The following ZNF185 variants were observed in gnomAD, a reference collection of about 807,000 sequenced individuals.
The protein encoded by ZNF185 is zinc finger protein 185 with LIM domain.
A neutral mutation model predicts 58.6 loss-of-function variants in ZNF185; 56 were observed. That is an observed-to-expected ratio of 0.95 (90% CI 0.77 to 1.19). The LOEUF is 1.19. Ranked by LOEUF, ZNF185 falls within the 50% of genes most tolerant of loss-of-function variation. The pLI, the probability that ZNF185 is intolerant of heterozygous loss-of-function variation, is 0.00. For missense variants in ZNF185, 627 were observed against 573.5 expected (o/e 1.09, Z -0.95); for synonymous variants, 230 against 215.9 (o/e 1.07, Z -0.57).
intron 16 of ZNF185, among the ~76,000 whole-genome samples, chrX:152,955,508 T>C (rs1041245754): frequency 6.2e-5 from 7 of 112,751 alleles, no homozygotes; most frequent in Non-Finnish European, 1.3e-4. Context: ...AGTTTGATTA[T>C]GTTACATTTA....
chrX:152,918,950 C>T, intron 6 of ZNF185, 33 bp from the exon 8 acceptor site: 2 of 1,122,753 alleles, frequency 1.8e-6, no homozygotes, highest in South Asian at 1.9e-5. Flanking sequence ...GGGTGGCAGC[C>T]TATGACAGGA....
At position 152,963,915 on chromosome X, in the gene ZNF185, G is replaced by GC. The variant is rs782818172; in HGVS notation, c.1689dup (p.Ala564ArgfsTer3). ...TGAGCAGCCTCACATTTATATTCCA[G>GC]CCCCCGCAAGTGAATTGGACTCCAG... On this transcript the variant is annotated frameshift_variant, in exon 18 of 23. Coordinates refer to ENST00000449285, the Ensembl canonical transcript of ZNF185. LOFTEE classifies it high-confidence loss of function. The GC allele has an allele frequency of 8.3e-7, 1 of 1,209,824 alleles. No individual in the cohort carries two copies. Among genetic ancestry groups the GC allele is most frequent in the African/African-American group, 1.7e-5 (1 of 57,218 alleles).
intron 15 of ZNF185, 143 bp from the exon 18 acceptor site, chrX:152,945,124 C>T (rs556006930): frequency 5.6e-5 from 35 of 621,247 alleles, no homozygotes; most frequent in South Asian, 3.7e-4. Context: ...GGAATTGGGG[C>T]TGTGCCTGGC....
intron 16 of ZNF185, among the ~76,000 whole-genome samples, chrX:152,954,497 G>T (rs1359201902): frequency 1.8e-5 from 2 of 112,100 alleles, no homozygotes; most frequent in East Asian, 5.6e-4. Flanking sequence ...AGAAACAAGG[G>T]GAAACAACTG....
rs182541160 is a variant in ZNF185, at chrX:152,915,889, G to C, written c.224+686G>C. On this transcript the variant is annotated intron_variant, in intron 3 of 22. Transcript: ENST00000449285. Reference sequence around the variant, plus strand: ...AAACAGCCGGCAGGCGGCTTCTCAGGGGGTGGTAGAGGCAGTGGCGGCCTC... The same window carrying C: ...AAACAGCCGGCAGGCGGCTTCTCAGCGGGTGGTAGAGGCAGTGGCGGCCTC... Among the ~76,000 whole-genome samples, 724 of 112,144 alleles carry C rather than the reference G, an allele frequency of 6.5e-3. 2 individuals are homozygous for C. Among genetic ancestry groups the C allele is most frequent in the Middle Eastern group, 0.037 (8 of 217 alleles).
chrX:152,936,603 C>T, intron 14 of ZNF185, 90 bp downstream of exon 16: 1 of 807,088 alleles, frequency 1.2e-6, no homozygotes, highest in East Asian at 3.5e-5. Context: ...CCAGGATCCC[C>T]CTCGAACTTC....
At position 152,936,532 on chromosome X, in the gene ZNF185, C is replaced by T. The variant is rs1556881950; in HGVS notation, c.1122-1542C>T. On this transcript the variant is annotated intron_variant, in intron 14 of 22. Transcript: ENST00000449285. ...CCATCAGGTAAGGTTAGGGCCACTG[C>T]CCTAGTGCCCTATCCCATTGCCAGA... 2 of 1,134,060 alleles carry T rather than the reference C, an allele frequency of 1.8e-6. No individual in the cohort carries two copies. The highest frequency in any genetic ancestry group is 1.2e-6 in the Non-Finnish European group (1 of 844,728). The allele number at this position is 1,134,060 out of a possible 1,213,427, so 93.5% of individuals were successfully genotyped here. A position where few individuals can be genotyped will look rare whatever the true frequency, so the allele number is the denominator to read the frequency against.
intron 8 of ZNF185, 56 bp downstream of exon 9, chrX:152,920,467 TC>T: frequency 8.9e-7 from 1 of 1,129,624 alleles, no homozygotes; most frequent in Admixed American, 2.3e-5. Context: ...TCCTCAGAGC[TC>T]CAGCCTTCTC....
In ZNF185 at chrX:152,970,597, A is replaced by G. The variant is rs1369413229; in HGVS notation, c.*56A>G. ...CCAAGAGACTCATTAAGGAGTAGAG[A>G]TGCACCCTGGTCTCTCCTGGAGTCT... On this transcript the variant is annotated intron_variant, in intron 22 of 22. Transcript: ENST00000449285. 2.8e-6 allele frequency: 3 copies of G among 1,061,590 alleles called. No homozygotes were observed. The African/African-American group carries it at 5.6e-5, about 20-fold the overall frequency. 87.5% of individuals were successfully genotyped at this position (1,061,590 alleles called of 1,213,427 possible).
chrX:152,914,494 G>A lies in ZNF185; in HGVS notation c.5G>A (p.Ser2Asn), dbSNP rs922645112. ...GAGAGCTGCGGAGCAATCACCATGA[G>A]TATCTCAGCTCTTGGAGGCCGCACC... Residue 2 changes from serine to asparagine, a missense_variant, in exon 1 of 23, where the codon AGT becomes AAT. Physicochemically the swap from Ser to Asn is conservative, Grantham distance 46 (BLOSUM62 1). Transcript: ENST00000449285. 9 of 1,185,972 alleles carry A rather than the reference G, an allele frequency of 7.6e-6. No individual in the cohort carries two copies. The highest frequency in any genetic ancestry group is 1.0e-5 in the Non-Finnish European group (9 of 880,446).
chrX:152,955,952 G>T (rs1359406575), intron 16 of ZNF185, among the ~76,000 whole-genome samples: 1 of 110,239 alleles, frequency 9.1e-6, no homozygotes, highest in African/African-American at 3.3e-5. Flanking sequence ...TCACTTAGGT[G>T]AGAGTGTGAC....
the ZNF185 span, among the ~76,000 whole-genome samples, chrX:152,903,533 A>G: frequency 9.1e-6 from 1 of 110,097 alleles, no homozygotes; most frequent in Non-Finnish European, 1.9e-5. Context: ...CCTTGTCTGC[A>G]AATGGGACTA....
intron 15 of ZNF185, among the ~76,000 whole-genome samples, chrX:152,942,290 G>A (rs781816241): frequency 7.2e-5 from 8 of 111,827 alleles, no homozygotes; most frequent in Non-Finnish European, 1.5e-4. Flanking sequence ...AGGGAGAGGC[G>A]GTATAGTATA....
intron 16 of ZNF185, among the ~76,000 whole-genome samples, chrX:152,950,461 A>G (rs1244939867): frequency 2.7e-5 from 3 of 111,848 alleles, no homozygotes; most frequent in African/African-American, 9.8e-5. Context: ...AAAGAGCAAT[A>G]TCTCATGTAC....
upstream of ZNF185, among the ~76,000 whole-genome samples, chrX:152,911,917 T>C (rs1443139694): frequency 1.3e-5 from 1 of 76,143 alleles, no homozygotes; most frequent in Non-Finnish European, 2.5e-5. Context: ...ATCCATCCCA[T>C]CTGATCCGTC....
intron 9 of ZNF185, among the ~76,000 whole-genome samples, chrX:152,921,040 GC>G (rs1261705399): frequency 1.8e-5 from 2 of 112,652 alleles, no homozygotes; most frequent in African/African-American, 3.2e-5. Flanking sequence ...TTGTTCCCCT[GC>G]CCCTGTTGCT....
At chrX:152,922,381 T>A in intron 10 of ZNF185, 125 bp downstream of exon 11, 1 of 674,550 alleles carries the variant, frequency 1.5e-6, no homozygotes, top group Non-Finnish European at 2.2e-6. Context: ...ATGTGCCCAG[T>A]GACAAGACGG....
intron 2 of ZNF185, 114 bp from the exon 4 acceptor site, chrX:152,915,024 G>C: frequency 1.9e-6 from 2 of 1,032,701 alleles, no homozygotes; most frequent in Non-Finnish European, 2.6e-6. Flanking sequence ...CTGGGAAGGA[G>C]AATGTGTGGC....
rs781836528 is a variant in ZNF185, at chrX:152,970,344, G to A, written c.1975-99G>A. On this transcript the variant is annotated intron_variant, in intron 21 of 22. Transcript: ENST00000449285. ...GTCCAGGATGTGCCACGGGCTCACA[G>A]CATCTGCTCGCCCACCTTGTTCAGG... is the stretch of plus-strand genomic sequence containing the variant. 1.0e-4 allele frequency: 74 copies of A among 711,662 alleles called. No individual in the cohort carries two copies. The South Asian group carries it at 1.6e-3, about 15-fold the overall frequency. 58.6% of individuals were successfully genotyped at this position (711,662 alleles called of 1,213,427 possible). A position where few individuals can be genotyped will look rare whatever the true frequency, so the allele number is the denominator to read the frequency against.
Sources: allele counts gnomAD v4.1 joint callset (sites outside exome capture counted in the v4.1 genomes callset), GRCh38; gene constraint gnomAD v4.1.1; transcripts MANE v1.5; gene names NCBI Gene and HGNC (gene_info 2026-07-23, HGNC 2026-07-21).